Variants in EYA2 observed in about 807,000 individuals in gnomAD.
EYA2 encodes the protein protein phosphatase EYA2.
Under a neutral mutation model 69.2 loss-of-function variants are expected in EYA2, and 31 were observed. That is an observed-to-expected ratio of 0.45 (90% CI 0.34 to 0.60). EYA2 has a LOEUF of 0.60. Among genes scored for constraint, EYA2 ranks in the 20% least tolerant of loss-of-function variants. EYA2 has a pLI of 0.02. For synonymous variants in EYA2, 257 were observed against 279.4 expected (o/e 0.92, Z 0.80); for missense variants, 622 against 701.2 (o/e 0.89, Z 1.28).
chr20:47,046,030 AAAC>A (rs1444800641), intron 5 of EYA2, among the ~76,000 whole-genome samples: 1 of 152,218 alleles, frequency 6.6e-6, no homozygotes, highest in Non-Finnish European at 1.5e-5. Flanking sequence ...GGTAGCTTAT[AAAC>A]AACAGACATT....
intron 1 of EYA2, chr20:46,901,230 T>G (rs1358276265): frequency 4.6e-5 from 7 of 152,170 alleles, no homozygotes; most frequent in Admixed American, 4.6e-4. Context: ...AAGCAGATGT[T>G]TCCTACCTGG....
At chr20:46,916,393 T>C (rs2146231173) in intron 1 of EYA2, among the ~76,000 whole-genome samples, 1 of 149,148 alleles carries the variant, frequency 6.7e-6, no homozygotes, top group South Asian at 2.2e-4. Flanking sequence ...TGTGTGAGTA[T>C]ATGAATGTGG....
At chr20:46,900,732 C>T (rs184245425) in intron 1 of EYA2, among the ~76,000 whole-genome samples, 48 of 152,354 alleles carry the variant, frequency 3.2e-4, no homozygotes, top group African/African-American at 1.1e-3. Flanking sequence ...TTTTGATGAT[C>T]TTTGAGGCTT....
chr20:47,022,903 G>A (rs984210499), intron 5 of EYA2, among the ~76,000 whole-genome samples: 1 of 151,884 alleles, frequency 6.6e-6, no homozygotes, highest in African/African-American at 2.4e-5. Context: ...GTTCAGTTTA[G>A]TGTTTTTAGT....
At position 47,074,238 on chromosome 20, in the gene EYA2, G is replaced by A. The variant is rs376496454; in HGVS notation, c.564G>A (p.Pro188=). 66 of 1,613,876 alleles carry A rather than the reference G, an allele frequency of 4.1e-5. No homozygotes were observed. The African/African-American group carries it at 6.3e-4, about 15-fold the overall frequency. Residue 188 remains proline (P), a synonymous_variant, in exon 7 of 16, where the codon CCG becomes CCA. Transcript: ENST00000327619. ...YGSSYNPPYV[P]ASSICPSPLS... ...CATCCTACAACCCTCCCTACGTCCCGGCCAGCAGCATCTGCCCTTCGCCCC... is the reference window on the plus strand; with the variant it reads ...CATCCTACAACCCTCCCTACGTCCCAGCCAGCAGCATCTGCCCTTCGCCCC...
chr20:47,130,261 C>CTTTTT lies in EYA2; in HGVS notation c.889-12781_889-12777dup, dbSNP rs74178703. Among the ~76,000 whole-genome samples, 49 of 81,258 alleles carry CTTTTT rather than the reference C, an allele frequency of 6.0e-4. 8 individuals are homozygous for CTTTTT. In the East Asian group the frequency reaches 6.1e-3, roughly 10 times the overall value. 53.3% of individuals were successfully genotyped at this position (81,258 alleles called of 152,430 possible). Reference sequence around the variant, plus strand: ...AAAGAAATAAAAGAAGGTTTATTTTCTTTTTTTTTTTTTTTTTTTTTGAGA... The same window carrying CTTTTT: ...AAAGAAATAAAAGAAGGTTTATTTTCTTTTTTTTTTTTTTTTTTTTTTTTTTGAGA... On this transcript the variant is annotated intron_variant, in intron 9 of 15. Coordinates refer to ENST00000327619, the MANE Select transcript of EYA2 (RefSeq NM_005244.5).
intron 2 of EYA2, among the ~76,000 whole-genome samples, chr20:46,990,834 T>C (rs1981612183): frequency 6.6e-6 from 1 of 152,196 alleles, no homozygotes; most frequent in South Asian, 2.1e-4. Context: ...ATTATCTGTT[T>C]GACACCAGCT....
intron 5 of EYA2, among the ~76,000 whole-genome samples, chr20:47,051,481 C>G (rs573462616): frequency 2.2e-3 from 329 of 152,324 alleles, no homozygotes; most frequent in African/African-American, 7.6e-3. Flanking sequence ...GAGGCAGACA[C>G]TCCTGGGTTC....
intron 4 of EYA2, among the ~76,000 whole-genome samples, chr20:47,005,766 G>A (rs1331898389): frequency 6.6e-6 from 1 of 152,244 alleles, no homozygotes; most frequent in African/African-American, 2.4e-5. Flanking sequence ...CAGACCTCCA[G>A]CCCTTGACTG....
intron 1 of EYA2, 73 bp downstream of exon 1, chr20:46,895,060 G>C (rs1289906075): frequency 6.6e-6 from 1 of 152,090 alleles, no homozygotes; most frequent in Non-Finnish European, 1.5e-5. Flanking sequence ...TGTTCACCGG[G>C]ACCCCCTCGC....
chr20:46,998,077 G>A (rs919565323), intron 2 of EYA2: 18 of 153,538 alleles, frequency 1.2e-4, no homozygotes, highest in Non-Finnish European at 2.3e-4. Context: ...GCTGTGGTGC[G>A]ATGGCCATGG....
intron 1 of EYA2, among the ~76,000 whole-genome samples, chr20:46,915,056 C>T (rs1359471784): frequency 2.6e-5 from 4 of 152,202 alleles, no homozygotes; most frequent in African/African-American, 9.7e-5. Flanking sequence ...GCTGTGTTCA[C>T]CAGGAGGCCA....
At chr20:47,131,670 G>A (rs1158413502) in intron 9 of EYA2, among the ~76,000 whole-genome samples, 1 of 152,186 alleles carries the variant, frequency 6.6e-6, no homozygotes, top group African/African-American at 2.4e-5. Flanking sequence ...TGAGGAAGGG[G>A]CCATGAGCCC....
intron 1 of EYA2, among the ~76,000 whole-genome samples, chr20:46,942,270 CA>C (rs1986187132): frequency 6.6e-6 from 1 of 151,954 alleles, no homozygotes; most frequent in African/African-American, 2.4e-5. Context: ...TGCAGTTGTA[CA>C]ATTACAGCTC....
intron 1 of EYA2, among the ~76,000 whole-genome samples, chr20:46,915,462 G>A (rs1382323983): frequency 1.3e-5 from 2 of 152,152 alleles, no homozygotes; most frequent in African/African-American, 4.8e-5. Flanking sequence ...TTATACAGGT[G>A]GGGAAACTGA....
intron 9 of EYA2, among the ~76,000 whole-genome samples, chr20:47,107,794 G>T (rs2032635668): frequency 6.6e-6 from 1 of 151,474 alleles, no homozygotes; most frequent in African/African-American, 2.4e-5. Flanking sequence ...GGAAGAGGAA[G>T]AAGGAAGGGA....
chr20:46,965,666 C>T (rs1203806937), intron 1 of EYA2, among the ~76,000 whole-genome samples: 1 of 152,240 alleles, frequency 6.6e-6, no homozygotes, highest in Non-Finnish European at 1.5e-5. Flanking sequence ...TGGTTCAGGC[C>T]CACGCTTGTT....
At chr20:47,169,494 A>T (rs912659368) in intron 11 of EYA2, among the ~76,000 whole-genome samples, 2 of 152,172 alleles carry the variant, frequency 1.3e-5, no homozygotes, top group Admixed American at 6.5e-5. Context: ...TATAATAAAT[A>T]AATGAGTAAA....
At chr20:47,176,615 A>G (rs2034431568) in intron 12 of EYA2, among the ~76,000 whole-genome samples, 1 of 152,228 alleles carries the variant, frequency 6.6e-6, no homozygotes, top group Non-Finnish European at 1.5e-5. Context: ...AGAGTCAATC[A>G]GTTCAGCTAC....
Sources: allele counts gnomAD v4.1 joint callset (sites outside exome capture counted in the v4.1 genomes callset), GRCh38; gene constraint gnomAD v4.1.1; transcripts MANE v1.5; gene names NCBI Gene and HGNC (gene_info 2026-07-23, HGNC 2026-07-21).